The following PRKN variants were observed in gnomAD, a reference collection of about 807,000 sequenced individuals.
PRKN encodes parkin RBR E3 ubiquitin protein ligase.
PRKN carries 56 observed loss-of-function variants against 59.5 expected under a neutral mutation model. The ratio of observed to expected loss-of-function variants is 0.94; its 90% CI spans 0.76 to 1.18. The LOEUF (loss-of-function observed/expected upper bound fraction) is 1.18. PRKN is among the 50% of genes most tolerant of loss of function. The pLI, the probability that PRKN is intolerant of heterozygous loss-of-function variation, is 0.00. For synonymous variants in PRKN, 250 were observed against 222.1 expected, an observed-to-expected ratio of 1.13 and a Z score of -1.12; for missense variants, 657 against 596.4, an observed-to-expected ratio of 1.10 and a Z score of -1.06.
intron 9 of PRKN, among the ~76,000 whole-genome samples, chr6:161,450,743 G>C (rs902182376): frequency 6.6e-6 from 1 of 152,092 alleles, no homozygotes; most frequent in Non-Finnish European, 1.5e-5. Flanking sequence ...TTTTAGTAGA[G>C]ACAGGGTTTC....
intron 1 of PRKN, among the ~76,000 whole-genome samples, chr6:162,653,694 T>C (rs1477432515): frequency 6.6e-6 from 1 of 152,178 alleles, no homozygotes; most frequent in Non-Finnish European, 1.5e-5. Flanking sequence ...CAAATCGTTA[T>C]AATATCTACT....
At chr6:161,986,762 C>T (rs987642093) in intron 5 of PRKN, among the ~76,000 whole-genome samples, 12 of 143,076 alleles carry the variant, frequency 8.4e-5, no homozygotes, top group African/African-American at 2.9e-4. Context: ...CCCCCCCACT[C>T]CCTGGACCAA....
At chr6:162,588,392 C>CAA (rs68135970) in intron 1 of PRKN, among the ~76,000 whole-genome samples, 10 of 144,008 alleles carry the variant, frequency 6.9e-5, no homozygotes, top group Admixed American at 2.8e-4. Context: ...CTCACATTAA[C>CAA]AAAAAAAAAA....
intron 9 of PRKN, among the ~76,000 whole-genome samples, chr6:161,452,692 A>G (rs1459071376): frequency 2.0e-5 from 3 of 152,072 alleles, no homozygotes; most frequent in African/African-American, 7.2e-5. Flanking sequence ...TGTCCTCTCA[A>G]TTTGCTTGTA....
At chr6:161,733,787 T>TATATATATATATATATATATATATAC (rs1562641719) in intron 7 of PRKN, among the ~76,000 whole-genome samples, 2 of 80,416 alleles carry the variant, frequency 2.5e-5, no homozygotes, top group African/African-American at 6.9e-5. Flanking sequence ...AAAAAAAATA[T>TATATATATATATATATATATATATAC]ATATATATAT....
chr6:162,266,935 G>T (rs1780167662), intron 2 of PRKN, among the ~76,000 whole-genome samples: 1 of 152,156 alleles, frequency 6.6e-6, no homozygotes, highest in Admixed American at 6.6e-5. Flanking sequence ...AGCTATCAAT[G>T]TGACAATCTC....
intron 10 of PRKN, among the ~76,000 whole-genome samples, chr6:161,364,963 T>C (rs1406455208): frequency 1.3e-5 from 2 of 151,600 alleles, no homozygotes; most frequent in South Asian, 2.1e-4. Context: ...TAGAACTAGA[T>C]GCCGGACAAG....
intron 6 of PRKN, among the ~76,000 whole-genome samples, chr6:161,953,533 ACACT>A (rs1282627168): frequency 1.3e-5 from 2 of 152,226 alleles, no homozygotes; most frequent in Admixed American, 6.5e-5. Context: ...CCGGGAAATC[ACACT>A]CAGTGTCAGG....
chr6:161,992,041 TAA>T (rs766820787), intron 5 of PRKN, among the ~76,000 whole-genome samples: 9 of 151,812 alleles, frequency 5.9e-5, no homozygotes, highest in Non-Finnish European at 1.2e-4. Flanking sequence ...TCAAAAAATC[TAA>T]AAAGAGACAA....
intron 1 of PRKN, among the ~76,000 whole-genome samples, chr6:162,702,305 T>A (rs541446535): frequency 2.0e-4 from 31 of 152,290 alleles, no homozygotes; most frequent in African/African-American, 7.5e-4. Flanking sequence ...TTTTAAGTAG[T>A]TAAGCAATGT....
intron 2 of PRKN, among the ~76,000 whole-genome samples, chr6:162,350,629 A>C (rs9458531): frequency 0.033 from 5,057 of 152,246 alleles, 273 homozygotes; most frequent in African/African-American, 0.12. Context: ...ATATGCAAAA[A>C]ATGAACTTTG....
At chr6:162,674,583 G>A (rs1281997322) in intron 1 of PRKN, among the ~76,000 whole-genome samples, 1 of 152,166 alleles carries the variant, frequency 6.6e-6, no homozygotes, top group Non-Finnish European at 1.5e-5. Flanking sequence ...TCGTGGAACT[G>A]TGACAGAAAA....
chr6:162,689,685 T>C (rs139554658), intron 1 of PRKN, among the ~76,000 whole-genome samples: 7 of 152,320 alleles, frequency 4.6e-5, no homozygotes, highest in African/African-American at 7.2e-5. Flanking sequence ...AGGAACACCA[T>C]CCTTTATGGT....
At chr6:161,958,031 T>C (rs1388795831) in intron 6 of PRKN, among the ~76,000 whole-genome samples, 2 of 152,178 alleles carry the variant, frequency 1.3e-5, no homozygotes, top group African/African-American at 4.8e-5. Context: ...AAAAGGGGCA[T>C]AAAAACAGAT....
rs543653581 is a variant in PRKN at position 162,014,354 on chromosome 6, G to GCTA, written c.618+39734_618+39736dup. Among the ~76,000 whole-genome samples the GCTA allele has an allele frequency of 4.2e-3, 647 of 152,250 alleles. 1 individual carries two copies. The highest frequency in any genetic ancestry group is 8.8e-3 in the Admixed American group (135 of 15,296). On this transcript the variant is annotated intron_variant, in intron 5 of 11. Coordinates refer to ENST00000366898, the MANE Select transcript of PRKN (RefSeq NM_004562.3). ...TCAGGCTTTTTTACGTACTCACACT[G>GCTA]CTACATACCTAGGTCTCTAGCTGAG...
At chr6:161,742,168 C>T (rs987770829) in intron 7 of PRKN, among the ~76,000 whole-genome samples, 2 of 152,042 alleles carry the variant, frequency 1.3e-5, no homozygotes, top group Non-Finnish European at 2.9e-5. Flanking sequence ...CGGGATTTTA[C>T]CATGTTGGCC....
intron 4 of PRKN, among the ~76,000 whole-genome samples, chr6:162,100,767 A>T (rs904674975): frequency 6.6e-6 from 1 of 152,116 alleles, no homozygotes; most frequent in Admixed American, 6.6e-5. Context: ...GATAACAGCC[A>T]TCCTAACAGG....
chr6:161,993,667 C>T (rs1307527942), intron 5 of PRKN, among the ~76,000 whole-genome samples: 1 of 152,182 alleles, frequency 6.6e-6, no homozygotes, highest in Non-Finnish European at 1.5e-5. Context: ...GCCAAGATCA[C>T]TGTCTTAGTC....
chr6:162,415,828 C>G (rs1052757097), intron 2 of PRKN, among the ~76,000 whole-genome samples: 1 of 152,048 alleles, frequency 6.6e-6, no homozygotes, highest in Non-Finnish European at 1.5e-5. Context: ...AAAGTTAAGA[C>G]AACCTCAAAT....
Sources: gnomAD v4.1 joint callset for allele counts (sites outside exome capture counted in the v4.1 genomes callset) on GRCh38, gnomAD v4.1.1 for gene constraint, MANE v1.5 for transcripts, NCBI Gene and HGNC (gene_info 2026-07-23, HGNC 2026-07-21) for gene names.